The following IDI2 variants were observed in gnomAD, a reference collection of about 807,000 sequenced individuals.
IDI2 encodes isopentenyl-diphosphate delta isomerase 2.
A neutral mutation model predicts 14.8 loss-of-function variants in IDI2; 18 were observed. That is an observed-to-expected ratio of 1.22 (90% CI 0.84 to 1.80). The LOEUF (loss-of-function observed/expected upper bound fraction) is 1.80. Ranked by LOEUF, IDI2 falls within the 40% of genes most tolerant of loss-of-function variation. The pLI, the probability that IDI2 is intolerant of heterozygous loss-of-function variation, is 0.00. For synonymous variants in IDI2, 133 were observed against 109.6 expected, an observed-to-expected ratio of 1.21 and a Z score of -1.33; for missense variants, 316 against 283.2, an observed-to-expected ratio of 1.12 and a Z score of -0.83.
intron 3 of IDI2, among the ~76,000 whole-genome samples, chr10:1,021,865 C>T (rs144815239): frequency 8.1e-4 from 123 of 152,334 alleles, no homozygotes; most frequent in African/African-American, 2.2e-3. Context: ...CTTAGCCATT[C>T]GCTTTAATGG....
chr10:1,022,861 C>T (rs568321666), intron 2 of IDI2, 86 bp from the exon 3 acceptor site: 66 of 1,065,030 alleles, frequency 6.2e-5, no homozygotes, highest in Middle Eastern at 4.1e-4. Flanking sequence ...GTCTGTTTCT[C>T]GTAGAAAAGC....
chr10:1,020,790 C>G lies in IDI2; in HGVS notation c.343G>C (p.Glu115Gln). ...ACCTGCTCCCCAGGAATTCCCAGCT[C>G]TGCTTGCAGACGCCTCTGGGCTGCC... ...RRAAQRRLQA[E>Q]LGIPGEQISP... Residue 115 changes from glutamate (E) to glutamine (Q), a missense_variant, in exon 4 of 5, where the codon GAG (glutamate) becomes CAG (glutamine). Glu to Gln is a conservative substitution (Grantham distance 29). Transcript: ENST00000277517. 1 of 1,613,236 alleles carries G rather than the reference C, an allele frequency of 6.2e-7. No homozygotes were observed. Among genetic ancestry groups the G allele is most frequent in the Non-Finnish European group, 8.5e-7 (1 of 1,179,726 alleles).
At position 1,019,289 on chromosome 10, in the gene IDI2, A is replaced by G. The variant is rs1007732853; in HGVS notation, c.*228T>C. ...TAAAATGGAAATTGGGACAAAGGAA[A>G]TGTTAAATTTCCTCCCTGCAACCAG... On this transcript the variant is annotated 3_prime_UTR_variant, in exon 5 of 5. Coordinates refer to ENST00000277517, the MANE Select transcript of IDI2 (RefSeq NM_033261.3). The G allele has an allele frequency of 2.4e-5, 12 of 500,712 alleles. 1 individual carries two copies. In the South Asian group the frequency reaches 3.2e-4, roughly 13 times the overall value. 31.0% of individuals were successfully genotyped at this position (500,712 alleles called of 1,614,324 possible).
At position 1,024,662 on chromosome 10, in the gene IDI2, A is replaced by G. The variant is rs1048024598; in HGVS notation, c.62T>C (p.Leu21Pro). 6.2e-7 allele frequency: 1 copy of G among 1,614,054 alleles called. No individual in the cohort carries two copies. The highest frequency in any genetic ancestry group is 1.3e-5 in the African/African-American group (1 of 74,916). The stretch of plus-strand genomic sequence containing the variant: ...CTTATCATTCTCATCCACAACAATC[A>G]GCATTTCCTCCAAGCGCTGCAACTG... ...RRQLQRLEEM[L>P]IVVDENDKVI... is the part of the protein sequence containing the mutation. Residue 21 changes from leucine (L) to proline (P), a missense_variant, in exon 2 of 5, where the codon CTG becomes CCG. Physicochemically the swap from Leu to Pro is moderately conservative, Grantham distance 98. Transcript: ENST00000277517.
intron 3 of IDI2, among the ~76,000 whole-genome samples, chr10:1,021,106 C>G (rs1254194325): frequency 6.6e-6 from 1 of 152,242 alleles, no homozygotes; most frequent in African/African-American, 2.4e-5. Context: ...ACATGACCAC[C>G]TGGCGGGGCT....
intron 3 of IDI2, 115 bp from the exon 4 acceptor site, chr10:1,021,012 G>T: frequency 8.5e-7 from 1 of 1,183,126 alleles, no homozygotes; most frequent in Non-Finnish European, 1.2e-6. Context: ...AAGACAGCCT[G>T]GCGGGGGGAG....
Position 1,022,793 on chromosome 10 carries a change from A to G in IDI2, c.143-18T>C. The G allele has an allele frequency of 6.3e-7, 1 of 1,590,812 alleles. No individual in the cohort carries two copies. Among genetic ancestry groups the G allele is most frequent in the African/African-American group, 1.3e-5 (1 of 74,530 alleles). ...CAGCAGCCCTGCAAAGGTAAGTGCC[A>G]TTTGTGTGAGTGCATGCCTGGAGTC... On this transcript the variant is annotated intron_variant, in intron 2 of 4. Coordinates refer to ENST00000277517, the MANE Select transcript of IDI2 (RefSeq NM_033261.3).
intron 3 of IDI2, among the ~76,000 whole-genome samples, chr10:1,022,056 G>A (rs971678983): frequency 3.9e-5 from 6 of 152,124 alleles, no homozygotes; most frequent in African/African-American, 1.2e-4. Context: ...TCAGGAGATC[G>A]AGACCATCCT....
In IDI2 at chr10:1,019,587, A is replaced by G; in HGVS notation, c.614T>C (p.Leu205Pro). 1 of 1,614,072 alleles carries G rather than the reference A, an allele frequency of 6.2e-7. No homozygotes were observed. The highest frequency in any genetic ancestry group is 2.2e-5 in the East Asian group (1 of 44,858). Residue 205 changes from leucine to proline, a missense_variant, in exon 5 of 5, where the codon CTG becomes CCG. By Grantham distance (98) the Leu-to-Pro change is moderately conservative. Coordinates refer to ENST00000277517, the MANE Select transcript of IDI2 (RefSeq NM_033261.3). The stretch of plus-strand genomic sequence containing the variant: ...ATCCAGGTGAGGCCACCACCGGTAC[A>G]GAAACCTCTCGGCAATGGTTCTTAG... The part of the protein sequence containing the change: ...PWLRTIAERF[L>P]YRWWPHLDDV...
rs773170795 is a variant in IDI2, at chr10:1,020,901, GA to G, written c.236-5del. The G allele has an allele frequency of 6.2e-7, 1 of 1,604,334 alleles. No individual in the cohort carries two copies. The highest frequency in any genetic ancestry group is 1.3e-5 in the African/African-American group (1 of 74,366). On this transcript the variant is annotated splice_region_variant and splice_polypyrimidine_tract_variant and intron_variant, in intron 3 of 4. Coordinates refer to ENST00000277517, the MANE Select transcript of IDI2 (RefSeq NM_033261.3). ...CTACAGGAGTCGGTAAAATACCCTG[GA>G]AAAAATGCATGTGGGAACATCCCTC...
Position 1,019,426 on chromosome 10 carries a change from C to T in IDI2, c.*91G>A, listed in dbSNP as rs181293230. Reference sequence around the variant, plus strand: ...ATGGGCAATCAAGTGCCCCTTTTGCCCTGTTTTTTGGAGAGGGTGTATCAT... The same window carrying T: ...ATGGGCAATCAAGTGCCCCTTTTGCTCTGTTTTTTGGAGAGGGTGTATCAT... On this transcript the variant is annotated 3_prime_UTR_variant, in exon 5 of 5. Transcript: ENST00000277517. The T allele has an allele frequency of 5.2e-4, 527 of 1,008,964 alleles. No individual in the cohort carries two copies. The African/African-American group carries it at 6.8e-3, about 13-fold the overall frequency. The allele number at this position is 1,008,964 out of a possible 1,614,324, so 62.5% of individuals were successfully genotyped here. A position where few individuals can be genotyped will look rare whatever the true frequency, so the allele number is the denominator to read the frequency against.
chr10:1,020,416 C>G (rs768017346), intron 4 of IDI2, among the ~76,000 whole-genome samples: 6 of 152,146 alleles, frequency 3.9e-5, no homozygotes, highest in Non-Finnish European at 8.8e-5. Context: ...GTCTTGATTT[C>G]TTGACCTTGT....
chr10:1,019,923 C>A, intron 4 of IDI2, 89 bp from the exon 5 acceptor site: 1 of 1,026,422 alleles, frequency 9.7e-7, no homozygotes, highest in Non-Finnish European at 1.5e-6. Context: ...CATTTGTTTT[C>A]CTCAGAAAAT....
chr10:1,020,846 AG>A lies in IDI2; in HGVS notation c.286del (p.Leu96TrpfsTer9), dbSNP rs55836842. On this transcript the variant is annotated frameshift_variant, in exon 4 of 5. Transcript: ENST00000277517. LOFTEE classifies it high-confidence loss of function. The part of the protein sequence containing the change: ...SSHPLYNPAE[L>X]EEKDAIGVRR... ...CACTCCGATGGCATCCTTTTCTTCC[AG>A]TTCTGCTGGGTTGTATAATGGGTGG... 8.5e-4 allele frequency: 1,379 copies of A among 1,613,956 alleles called. 5 individuals are homozygous for A. Among genetic ancestry groups the A allele is most frequent in the Admixed American group, 2.9e-3 (173 of 59,992 alleles).
At chr10:1,019,898 T>C in intron 4 of IDI2, 64 bp from the exon 5 acceptor site, 1 of 1,176,150 alleles carries the variant, frequency 8.5e-7, no homozygotes, top group South Asian at 1.4e-5. Flanking sequence ...TACAGAAAAA[T>C]AGAGAAAATA....
chr10:1,019,577 C>T lies in IDI2; in HGVS notation c.624G>A (p.Trp208Ter), dbSNP rs533129607. The T allele has an allele frequency of 1.2e-6, 2 of 1,614,020 alleles. No homozygotes were observed. Among genetic ancestry groups the T allele is most frequent in the South Asian group, 2.2e-5 (2 of 91,066 alleles). Residue 208 changes from tryptophan (W) to a stop codon, truncating the protein, a stop_gained, in exon 5 of 5, where the codon TGG (tryptophan) becomes TGA (stop). Coordinates refer to ENST00000277517, the MANE Select transcript of IDI2 (RefSeq NM_033261.3). LOFTEE classifies it low-confidence loss of function (END_TRUNC). The stretch of plus-strand genomic sequence containing the variant: ...GGGTCACGTCATCCAGGTGAGGCCA[C>T]CACCGGTACAGAAACCTCTCGGCAA... ...RTIAERFLYR[W>*]WPHLDDVTPF... is the part of the protein sequence containing the mutation.
At chr10:1,023,850 ATGTT>A (rs1471390596) in intron 2 of IDI2, among the ~76,000 whole-genome samples, 6 of 152,352 alleles carry the variant, frequency 3.9e-5, no homozygotes, top group African/African-American at 1.4e-4. Flanking sequence ...GATATGATGA[ATGTT>A]TGAGGTGATG....
intron 2 of IDI2, among the ~76,000 whole-genome samples, chr10:1,024,237 G>C (rs564143699): frequency 1.3e-5 from 2 of 152,222 alleles, no homozygotes; most frequent in African/African-American, 4.8e-5. Flanking sequence ...ACAGGCCTGC[G>C]TGATCAGACG....
At chr10:1,021,197 G>A (rs1832092492) in intron 3 of IDI2, among the ~76,000 whole-genome samples, 1 of 152,182 alleles carries the variant, frequency 6.6e-6, no homozygotes, top group Non-Finnish European at 1.5e-5. Flanking sequence ...TCTTAGGAGA[G>A]GGACTGGTTC....
Sources: allele counts gnomAD v4.1 joint callset (sites outside exome capture counted in the v4.1 genomes callset), GRCh38; gene constraint gnomAD v4.1.1; transcripts MANE v1.5; gene names NCBI Gene and HGNC (gene_info 2026-07-23, HGNC 2026-07-21).